CLSTN1: variants seen among roughly 807,000 people sequenced by gnomAD.
The protein encoded by CLSTN1 is calsyntenin-1.
In CLSTN1, 28 loss-of-function variants were observed where a neutral mutation model predicts 108.3. The observed-to-expected ratio is 0.26, with a 90% CI of 0.19 to 0.35. CLSTN1 has a LOEUF of 0.35. Among genes scored for constraint, CLSTN1 ranks in the 10% least tolerant of loss-of-function variants. The pLI is 1.00. For missense variants in CLSTN1, 1,157 were observed against 1,302.6 expected, an observed-to-expected ratio of 0.89 and a Z score of 1.72; for synonymous variants, 524 against 534.9, an observed-to-expected ratio of 0.98 and a Z score of 0.28.
chr1:9,761,816 A>G (rs943484390), intron 2 of CLSTN1, among the ~76,000 whole-genome samples: 5 of 152,174 alleles, frequency 3.3e-5, no homozygotes, highest in Non-Finnish European at 5.9e-5. Flanking sequence ...TATAACAGCT[A>G]AGGTTCTCTG....
At chr1:9,813,310 C>A (rs1056969876) in intron 1 of CLSTN1, among the ~76,000 whole-genome samples, 12 of 151,996 alleles carry the variant, frequency 7.9e-5, no homozygotes, top group Middle Eastern at 3.4e-3. Context: ...CCGTCCTGGG[C>A]AACCTGGTGA....
intron 1 of CLSTN1, among the ~76,000 whole-genome samples, chr1:9,788,800 G>A (rs1653619532): frequency 1.3e-5 from 2 of 149,444 alleles, no homozygotes; most frequent in South Asian, 2.3e-4. Flanking sequence ...CCCGGGAGGC[G>A]GAGCTTGCAG....
intron 16 of CLSTN1, 121 bp from the exon 17 acceptor site, chr1:9,732,017 G>C: frequency 7.4e-6 from 8 of 1,077,000 alleles, no homozygotes; most frequent in Non-Finnish European, 1.1e-5. Context: ...GACCGCAGCT[G>C]GGGGCAAACG....
intron 1 of CLSTN1, among the ~76,000 whole-genome samples, chr1:9,788,606 G>A (rs903125765): frequency 9.3e-5 from 14 of 150,730 alleles, no homozygotes; most frequent in Non-Finnish European, 1.5e-4. Context: ...AGTGGCTCAC[G>A]CCTGTAATCC....
At position 9,750,138 on chromosome 1, in the gene CLSTN1, C is replaced by T. The variant is rs117626249; in HGVS notation, c.650-225G>A. 88 of 478,164 alleles carry T rather than the reference C, an allele frequency of 1.8e-4. No individual in the cohort carries two copies. In the East Asian group the frequency reaches 3.2e-3, roughly 17 times the overall value. 29.6% of individuals were successfully genotyped at this position (478,164 alleles called of 1,614,324 possible). On this transcript the variant is annotated intron_variant, in intron 5 of 18. Transcript: ENST00000377298. ...ACAGAAGAGACGGAGCTACACAGCTCAGTCTCCACTTACTCTCACAGTGTT... is the reference window on the plus strand; with the variant it reads ...ACAGAAGAGACGGAGCTACACAGCTTAGTCTCCACTTACTCTCACAGTGTT...
intron 9 of CLSTN1, among the ~76,000 whole-genome samples, chr1:9,742,668 T>G (rs1405584577): frequency 1.3e-5 from 2 of 152,102 alleles, no homozygotes; most frequent in African/African-American, 4.8e-5. Flanking sequence ...AAATAATCAC[T>G]CACATAAATA....
intron 1 of CLSTN1, among the ~76,000 whole-genome samples, chr1:9,774,030 C>T (rs752927739): frequency 2.2e-4 from 33 of 152,076 alleles, no homozygotes; most frequent in South Asian, 6.2e-4. Flanking sequence ...GCGTGAGCCA[C>T]GGCACCTGGC....
At chr1:9,773,899 A>ATT (rs57507445) in intron 1 of CLSTN1, among the ~76,000 whole-genome samples, 29 of 133,378 alleles carry the variant, frequency 2.2e-4, no homozygotes, top group African/African-American at 8.0e-4. Flanking sequence ...TACTTGACTT[A>ATT]TTTTTTTTTT....
chr1:9,792,462 A>C (rs1330673171), intron 1 of CLSTN1, among the ~76,000 whole-genome samples: 2 of 151,488 alleles, frequency 1.3e-5, no homozygotes, highest in African/African-American at 2.4e-5. Flanking sequence ...CAAAGCTGAC[A>C]GGTGAGATGC....
In CLSTN1 at chr1:9,749,446, G is replaced by C. The variant is rs570891384; in HGVS notation, c.985+15C>G. On this transcript the variant is annotated intron_variant, in intron 7 of 18. Transcript: ENST00000377298. Reference sequence around the variant, plus strand: ...ACCAAAGCCAGCCGGATGCAAGAACGCCTGGTCTCCTTACCACAGAGCCGG... The same window carrying C: ...ACCAAAGCCAGCCGGATGCAAGAACCCCTGGTCTCCTTACCACAGAGCCGG... 6.3e-7 allele frequency: 1 copy of C among 1,592,872 alleles called. No individual in the cohort carries two copies. Among genetic ancestry groups the C allele is most frequent in the African/African-American group, 1.4e-5 (1 of 73,266 alleles).
chr1:9,818,279 G>T (rs960520049), intron 1 of CLSTN1, among the ~76,000 whole-genome samples: 20 of 151,696 alleles, frequency 1.3e-4, no homozygotes, highest in African/African-American at 4.6e-4. Flanking sequence ...CAAAGCACTG[G>T]GATTACAGGT....
chr1:9,804,990 T>A (rs773255943), intron 1 of CLSTN1, among the ~76,000 whole-genome samples: 2 of 151,690 alleles, frequency 1.3e-5, no homozygotes. Context: ...GGCGTGCTAG[T>A]GCATGCCTGT....
intron 4 of CLSTN1, among the ~76,000 whole-genome samples, chr1:9,752,734 T>C (rs1177982679): frequency 1.3e-5 from 2 of 152,064 alleles, no homozygotes; most frequent in Non-Finnish European, 2.9e-5. Flanking sequence ...TGGTGGAGCG[T>C]GCCTGTAATC....
intron 1 of CLSTN1, among the ~76,000 whole-genome samples, chr1:9,809,798 G>T (rs533756125): frequency 9.8e-4 from 148 of 151,618 alleles, no homozygotes; most frequent in Non-Finnish European, 1.6e-3. Flanking sequence ...CTACTCGGGA[G>T]GGTGAGACAG....
intron 9 of CLSTN1, 140 bp downstream of exon 9, chr1:9,743,744 A>G: frequency 3.6e-6 from 3 of 827,534 alleles, no homozygotes; most frequent in East Asian, 2.8e-5. Flanking sequence ...TTTTGTAGGG[A>G]CAGGATCTTA....
intron 2 of CLSTN1, among the ~76,000 whole-genome samples, chr1:9,771,187 A>G (rs937012818): frequency 1.3e-5 from 2 of 152,304 alleles, no homozygotes; most frequent in African/African-American, 2.4e-5. Flanking sequence ...AAAACTGCTC[A>G]AAAACATAAA....
chr1:9,754,966 T>C (rs1651740418), intron 4 of CLSTN1, 148 bp downstream of exon 4: 1 of 582,328 alleles, frequency 1.7e-6, no homozygotes, highest in East Asian at 2.8e-5. Context: ...CCTCCAAGTG[T>C]TTACAATCTA....
At position 9,734,277 on chromosome 1, in the gene CLSTN1, G is replaced by A. The variant is rs1232255116; in HGVS notation, c.2111-135C>T. 9 of 869,742 alleles carry A rather than the reference G, an allele frequency of 1.0e-5. No individual in the cohort carries two copies. The highest frequency in any genetic ancestry group is 1.6e-5 in the Non-Finnish European group (9 of 567,512). 53.9% of individuals were successfully genotyped at this position (869,742 alleles called of 1,614,324 possible). ...GGACCAACGACAGAAGCAAGCGAGA[G>A]TTGCTTTCAAGAAACGGCTGGGCGC... On this transcript the variant is annotated intron_variant, in intron 14 of 18. Coordinates refer to ENST00000377298, the MANE Select transcript of CLSTN1 (RefSeq NM_001009566.3). This position sits in a 1 kb window ranked among gnomAD's most constrained non-coding sequence, Gnocchi z 4.8.
intron 1 of CLSTN1, among the ~76,000 whole-genome samples, chr1:9,820,137 G>A (rs994473232): frequency 6.6e-6 from 1 of 151,562 alleles, no homozygotes; most frequent in Non-Finnish European, 1.5e-5. Context: ...TTCTCCCAAA[G>A]TGCTGGAATT....
Sources: gnomAD v4.1 joint callset for allele counts (sites outside exome capture counted in the v4.1 genomes callset) on GRCh38, gnomAD v4.1.1 for gene constraint, Gnocchi (gnomAD v3.1) non-coding constraint, MANE v1.5 for transcripts, NCBI Gene and HGNC (gene_info 2026-07-23, HGNC 2026-07-21) for gene names.